Variants in KCNQ2 observed in about 807,000 individuals in gnomAD.
KCNQ2 encodes potassium voltage-gated channel subfamily KQT member 2.
In KCNQ2, 14 loss-of-function variants were observed where a neutral mutation model predicts 84.8. That is an observed-to-expected ratio of 0.17 (90% CI 0.11 to 0.26). KCNQ2 has a LOEUF of 0.26. Ranked by LOEUF, KCNQ2 falls within the 10% of genes least tolerant of loss-of-function variation. The pLI is 1.00. For synonymous variants in KCNQ2, 599 were observed against 554.1 expected, an observed-to-expected ratio of 1.08 and a Z score of -1.14; for missense variants, 788 against 1,254.0, an observed-to-expected ratio of 0.63 and a Z score of 5.61.
chr20:63,458,165 T>C (rs2081854676), intron 1 of KCNQ2, among the ~76,000 whole-genome samples: 1 of 150,912 alleles, frequency 6.6e-6, no homozygotes, highest in African/African-American at 2.4e-5. Flanking sequence ...CCTCCCGGCA[T>C]GCCCCGGCTA....
chr20:63,429,131 C>T (rs950470437), intron 9 of KCNQ2, among the ~76,000 whole-genome samples: 3 of 151,996 alleles, frequency 2.0e-5, no homozygotes, highest in Non-Finnish European at 2.9e-5. Context: ...CAGGCACCTC[C>T]TCACGTCTGG....
Position 63,407,395 on chromosome 20 carries a change from G to C in KCNQ2, c.1888-20C>G, listed in dbSNP as rs1426428133. ...CAAGACCTGCAAAAGGGGCTGCTGG[G>C]CTGGGGTGCGAGGGCCCGTCCCAGG... On this transcript the variant is annotated intron_variant, in intron 16 of 16. Coordinates refer to ENST00000359125, the MANE Select transcript of KCNQ2 (RefSeq NM_172107.4). The surrounding 1 kb of genome is among the most constrained non-coding windows in gnomAD (Gnocchi z 7.2). The C allele has an allele frequency of 6.3e-7, 1 of 1,597,364 alleles. No individual in the cohort carries two copies. Among genetic ancestry groups the C allele is most frequent in the Non-Finnish European group, 8.5e-7 (1 of 1,179,412 alleles).
At chr20:63,442,935 CCACCACCAT>C (rs2081253146) in intron 4 of KCNQ2, among the ~76,000 whole-genome samples, 1 of 20,618 alleles carries the variant, frequency 4.9e-5, no homozygotes, top group Non-Finnish European at 1.1e-4. Context: ...ATCACCATCA[CCACCACCAT>C]CACCATCATC....
intron 10 of KCNQ2, among the ~76,000 whole-genome samples, chr20:63,426,684 C>G (rs909730689): frequency 1.3e-5 from 2 of 152,176 alleles, no homozygotes; most frequent in Non-Finnish European, 2.9e-5. Flanking sequence ...CTCTGCCCAA[C>G]AGTAGCGCAC....
chr20:63,417,499 C>T (rs1489072605), intron 12 of KCNQ2, among the ~76,000 whole-genome samples: 1 of 152,242 alleles, frequency 6.6e-6, no homozygotes, highest in Non-Finnish European at 1.5e-5. Flanking sequence ...CAGAGCCGGT[C>T]GGCCCAACTG....
At chr20:63,426,942 C>T (rs1450893406) in intron 10 of KCNQ2, among the ~76,000 whole-genome samples, 3 of 152,304 alleles carry the variant, frequency 2.0e-5, no homozygotes, top group South Asian at 2.1e-4. Flanking sequence ...CATCAGAGGC[C>T]GGGCACAGTG....
chr20:63,464,059 T>C (rs1445221783), intron 1 of KCNQ2, among the ~76,000 whole-genome samples: 1 of 152,004 alleles, frequency 6.6e-6, no homozygotes, highest in Non-Finnish European at 1.5e-5. Flanking sequence ...CCCAAAAAAA[T>C]GAAAGACCTA....
chr20:63,422,883 ACGCGGAAGC>A (rs1376700226), intron 11 of KCNQ2, among the ~76,000 whole-genome samples: 14 of 152,286 alleles, frequency 9.2e-5, no homozygotes, highest in African/African-American at 3.1e-4. Flanking sequence ...GGGCCCTGCC[ACGCGGAAGC>A]CGTCGGGAAG....
At position 63,467,793 on chromosome 20, in the gene KCNQ2, C is replaced by T. The variant is rs149764650; in HGVS notation, c.296+4375G>A. On this transcript the variant is annotated intron_variant, in intron 1 of 16. Coordinates refer to ENST00000359125, the MANE Select transcript of KCNQ2 (RefSeq NM_172107.4). Reference sequence around the variant, plus strand: ...ATTTAAGCATTTTCAAAACTGGAGACAGGATTCCCACGTGGTCAGCATCCT... The same window carrying T: ...ATTTAAGCATTTTCAAAACTGGAGATAGGATTCCCACGTGGTCAGCATCCT... 2.3e-3 allele frequency among the ~76,000 whole-genome samples: 348 copies of T among 152,342 alleles called. 1 individual carries two copies. Among genetic ancestry groups the T allele is most frequent in the Middle Eastern group, 0.014 (4 of 294 alleles).
chr20:63,445,198 T>C, intron 3 of KCNQ2, 40 bp downstream of exon 3: 3 of 1,613,622 alleles, frequency 1.9e-6, no homozygotes, highest in Non-Finnish European at 2.5e-6. Context: ...CCTGGGTGCC[T>C]GGCCCTGATT....
intron 15 of KCNQ2, among the ~76,000 whole-genome samples, chr20:63,410,618 G>A (rs891364649): frequency 1.3e-5 from 2 of 152,204 alleles, no homozygotes; most frequent in Non-Finnish European, 2.9e-5. Flanking sequence ...GGGCTACCCT[G>A]GGTTGGGCAG....
chr20:63,443,306 ACCAT>A (rs2081296966), intron 4 of KCNQ2, among the ~76,000 whole-genome samples: 1 of 106,892 alleles, frequency 9.4e-6, no homozygotes, highest in Admixed American at 9.3e-5. Flanking sequence ...CACCACCATC[ACCAT>A]CATCACCACC....
chr20:63,471,899 G>A (rs1244833998), intron 1 of KCNQ2: 2 of 433,066 alleles, frequency 4.6e-6, no homozygotes, highest in Non-Finnish European at 8.1e-6. Context: ...GCTGAGGAGG[G>A]GGCTGGGGCG....
chr20:63,423,911 T>TGGC, intron 11 of KCNQ2: 1 of 463,452 alleles, frequency 2.2e-6, no homozygotes, highest in Non-Finnish European at 3.9e-6. Flanking sequence ...GGGTGGGGGA[T>TGGC]CCCCCACCCC....
chr20:63,451,991 A>G (rs919015389), intron 1 of KCNQ2, among the ~76,000 whole-genome samples: 5 of 152,264 alleles, frequency 3.3e-5, no homozygotes, highest in African/African-American at 1.2e-4. Context: ...GGGACCACAC[A>G]GTCTGAAGCA....
At position 63,407,320 on chromosome 20, in the gene KCNQ2, A is replaced by C; in HGVS notation, c.1943T>G (p.Met648Arg). The C allele has an allele frequency of 6.3e-7, 1 of 1,596,806 alleles. No homozygotes were observed. Among genetic ancestry groups the C allele is most frequent in the Non-Finnish European group, 8.5e-7 (1 of 1,178,580 alleles). ...DFLVNIYMQR[M>R]GIPPTETEAY... ...CTCGGTCTCTGTCGGGGGGATGCCC[A>C]TCCGCTGCATGTAGATATTCACCAG... Residue 648 changes from methionine (M) to arginine (R), a missense_variant, in exon 17 of 17, where the codon ATG (methionine) becomes AGG (arginine). Physicochemically the swap from Met to Arg is moderately conservative, Grantham distance 91. This residue lies in a region of KCNQ2 where 378 missense variants were observed against 434.5 expected (regional missense o/e 0.87). Transcript: ENST00000359125. The surrounding 1 kb of genome is among the most constrained non-coding windows in gnomAD (Gnocchi z 7.2).
chr20:63,409,779 A>G (rs1306809831), intron 15 of KCNQ2, among the ~76,000 whole-genome samples: 2 of 132,276 alleles, frequency 1.5e-5, no homozygotes, highest in African/African-American at 5.9e-5. Context: ...GGGCTGCCCT[A>G]CCTGCCTCTG....
chr20:63,434,088 A>G (rs946141822), intron 7 of KCNQ2, 185 bp from the exon 8 acceptor site: 4 of 579,772 alleles, frequency 6.9e-6, no homozygotes, highest in Non-Finnish European at 1.2e-5. Context: ...TACCCTCTGT[A>G]GGACAGACAG....
intron 9 of KCNQ2, among the ~76,000 whole-genome samples, chr20:63,429,909 G>C (rs1055159518): frequency 6.6e-6 from 1 of 152,120 alleles, no homozygotes; most frequent in African/African-American, 2.4e-5. Context: ...GCAGGAGTGG[G>C]GCTCCTGTGA....
Sources: gnomAD v4.1 joint callset for allele counts (sites outside exome capture counted in the v4.1 genomes callset) on GRCh38, gnomAD v4.1.1 for gene constraint, gnomAD v4.1.1 regional missense constraint, Gnocchi (gnomAD v3.1) non-coding constraint, MANE v1.5 for transcripts, NCBI Gene and HGNC (gene_info 2026-07-23, HGNC 2026-07-21) for gene names.